Variants in C1orf185 observed in about 807,000 individuals in gnomAD.
C1orf185 encodes uncharacterized protein C1orf185.
In C1orf185, 13 loss-of-function variants were observed where a neutral mutation model predicts 16.1. That is an observed-to-expected ratio of 0.81 (90% CI 0.53 to 1.28). C1orf185 has a LOEUF of 1.28. Among genes scored for constraint, C1orf185 ranks in the 50% most tolerant of loss-of-function variants. C1orf185 has a pLI of 0.00. For synonymous variants in C1orf185, 80 were observed against 76.9 expected (o/e 1.04, Z -0.21); for missense variants, 220 against 225.2 (o/e 0.98, Z 0.15).
intron 1 of C1orf185, among the ~76,000 whole-genome samples, chr1:51,108,930 G>A (rs12033811): frequency 0.17 from 25,261 of 152,044 alleles, 3,782 homozygotes; most frequent in African/African-American, 0.4. Context: ...TCCTTTAAAT[G>A]TATATGCAGA....
intron 3 of C1orf185, among the ~76,000 whole-genome samples, chr1:51,124,998 T>C (rs1646230072): frequency 6.6e-6 from 1 of 152,174 alleles, no homozygotes; most frequent in South Asian, 2.1e-4. Flanking sequence ...TAACTGCTTC[T>C]TGCTCATTTT....
chr1:51,120,769 A>T (rs939558586), intron 3 of C1orf185, among the ~76,000 whole-genome samples: 1 of 152,224 alleles, frequency 6.6e-6, no homozygotes, highest in Non-Finnish European at 1.5e-5. Flanking sequence ...CAAAAGTGTC[A>T]TGAGTGCAAT....
downstream of C1orf185, among the ~76,000 whole-genome samples, chr1:51,148,616 A>G (rs1646415716): frequency 6.6e-6 from 1 of 152,210 alleles, no homozygotes; most frequent in Non-Finnish European, 1.5e-5. Context: ...CTCCTGCAAG[A>G]TAGCTTGAAA....
chr1:51,136,015 A>G (rs1044297674), intron 3 of C1orf185, among the ~76,000 whole-genome samples: 2 of 152,244 alleles, frequency 1.3e-5, no homozygotes, highest in African/African-American at 4.8e-5. Flanking sequence ...CACCAACAAC[A>G]GTCAAGTTGA....
chr1:51,120,668 A>G (rs1229088366), intron 3 of C1orf185, among the ~76,000 whole-genome samples: 3 of 152,258 alleles, frequency 2.0e-5, no homozygotes, highest in Admixed American at 1.3e-4. Context: ...TAATTTATTC[A>G]GTACCCATCA....
intron 2 of C1orf185, among the ~76,000 whole-genome samples, chr1:51,113,709 C>T (rs1310082499): frequency 4.6e-5 from 7 of 152,084 alleles, no homozygotes; most frequent in Admixed American, 4.6e-4. Flanking sequence ...TACATACATA[C>T]ATAAATTCAG....
chr1:51,107,646 G>A (rs1646083525), intron 1 of C1orf185, among the ~76,000 whole-genome samples: 1 of 151,962 alleles, frequency 6.6e-6, no homozygotes, highest in African/African-American at 2.4e-5. Context: ...AGTCATAAGT[G>A]GTAAGTTTGA....
chr1:51,145,902 T>G, intron 4 of C1orf185, 142 bp downstream of exon 4: 1 of 397,306 alleles, frequency 2.5e-6, no homozygotes, highest in Non-Finnish European at 4.4e-6. Flanking sequence ...TTTATTAGTA[T>G]GTAAAAGGGC....
At position 51,109,996 on chromosome 1, in the gene C1orf185, A is replaced by T. The variant is rs187616236; in HGVS notation, c.17-2468A>T. On this transcript the variant is annotated intron_variant, in intron 1 of 4. Coordinates refer to ENST00000371759, the MANE Select transcript of C1orf185 (RefSeq NM_001136508.2). ...CTTTGGTTACCCTTAAATTTTTAAC[A>T]TCTATACTTAACTGTTTTTCTAAAA... Among the ~76,000 whole-genome samples the T allele has an allele frequency of 1.7e-3, 261 of 152,292 alleles. 1 individual carries two copies. The highest frequency in any genetic ancestry group is 0.012 in the South Asian group (57 of 4,824).
At chr1:51,127,471 G>A (rs547234727) in intron 3 of C1orf185, among the ~76,000 whole-genome samples, 89 of 152,020 alleles carry the variant, frequency 5.9e-4, no homozygotes, top group African/African-American at 1.7e-3. Flanking sequence ...ATTTTTAGTA[G>A]GACAGGGTTT....
intron 3 of C1orf185, among the ~76,000 whole-genome samples, chr1:51,140,268 T>A (rs1252435430): frequency 6.6e-6 from 1 of 152,188 alleles, no homozygotes; most frequent in Non-Finnish European, 1.5e-5. Context: ...TTAATGGGTA[T>A]CTTTTGGTTC....
chr1:51,129,112 T>C (rs1646264108), intron 3 of C1orf185, among the ~76,000 whole-genome samples: 1 of 152,130 alleles, frequency 6.6e-6, no homozygotes, highest in Admixed American at 6.5e-5. Flanking sequence ...CTCAAACTCC[T>C]GACCTCAGGC....
At chr1:51,144,396 A>T (rs895652954) in intron 3 of C1orf185, among the ~76,000 whole-genome samples, 1 of 152,196 alleles carries the variant, frequency 6.6e-6, no homozygotes, top group Non-Finnish European at 1.5e-5. Context: ...TTGTTAATAA[A>T]AGGTGAAAGT....
intron 1 of C1orf185, among the ~76,000 whole-genome samples, chr1:51,110,485 G>A (rs1306291368): frequency 6.6e-6 from 1 of 152,052 alleles, no homozygotes; most frequent in African/African-American, 2.4e-5. Context: ...GCACTATCTT[G>A]AAGCTGGAAA....
chr1:51,138,010 A>T (rs987868372), intron 3 of C1orf185, among the ~76,000 whole-genome samples: 1 of 152,202 alleles, frequency 6.6e-6, no homozygotes, highest in Admixed American at 6.5e-5. Context: ...TTGAAAACAC[A>T]TGGACACATA....
intron 2 of C1orf185, among the ~76,000 whole-genome samples, chr1:51,117,488 A>T (rs1412587105): frequency 6.6e-6 from 1 of 152,054 alleles, no homozygotes; most frequent in East Asian, 1.9e-4. Context: ...TCACTGCCCT[A>T]AAAGTCCTTT....
At chr1:51,136,910 G>T (rs1646329462) in intron 3 of C1orf185, among the ~76,000 whole-genome samples, 1 of 152,088 alleles carries the variant, frequency 6.6e-6, no homozygotes, top group African/African-American at 2.4e-5. Context: ...TGACAAATGG[G>T]ATCTAATTTA....
At chr1:51,139,462 TA>T (rs1236245671) in intron 3 of C1orf185, among the ~76,000 whole-genome samples, 2 of 152,178 alleles carry the variant, frequency 1.3e-5, no homozygotes, top group Admixed American at 6.5e-5. Context: ...GCTAGGTTCA[TA>T]AAATGAAAAT....
At chr1:51,141,343 T>G (rs1245441943) in intron 3 of C1orf185, among the ~76,000 whole-genome samples, 1 of 152,106 alleles carries the variant, frequency 6.6e-6, no homozygotes, top group Non-Finnish European at 1.5e-5. Flanking sequence ...AAAAAAAAAT[T>G]AGCTGAGTGT....
Sources: gnomAD v4.1 joint callset for allele counts (sites outside exome capture counted in the v4.1 genomes callset) on GRCh38, gnomAD v4.1.1 for gene constraint, MANE v1.5 for transcripts, NCBI Gene and HGNC (gene_info 2026-07-23, HGNC 2026-07-21) for gene names.